Variants in NT5C2 observed in about 807,000 individuals in gnomAD.
The protein encoded by NT5C2 is 5'-nucleotidase, cytosolic II.
In NT5C2, 58 loss-of-function variants were observed where a neutral mutation model predicts 76.1. The ratio of observed to expected loss-of-function variants is 0.76; its 90% confidence interval spans 0.62 to 0.95. The LOEUF is 0.95. Among genes scored for constraint, NT5C2 ranks in the 40% least tolerant of loss-of-function variants. NT5C2 has a pLI of 0.00. For synonymous variants in NT5C2, 229 were observed against 237.4 expected, an observed-to-expected ratio of 0.96 and a Z score of 0.32; for missense variants, 478 against 690.3, an observed-to-expected ratio of 0.69 and a Z score of 3.45.
At chr10:103,105,115 A>G (rs1440022660) in intron 6 of NT5C2, among the ~76,000 whole-genome samples, 2 of 152,236 alleles carry the variant, frequency 1.3e-5, no homozygotes, top group Non-Finnish European at 2.9e-5. Flanking sequence ...AAAAAGTTCA[A>G]ATTAGTGACA....
intron 3 of NT5C2, among the ~76,000 whole-genome samples, chr10:103,152,275 A>ATG (rs2082541165): frequency 6.6e-6 from 1 of 152,178 alleles, no homozygotes; most frequent in South Asian, 2.1e-4. Context: ...CCAATCTAAA[A>ATG]CAGCAGTCCT....
chr10:103,189,270 C>A (rs1353256116), intron 1 of NT5C2, among the ~76,000 whole-genome samples: 1 of 151,972 alleles, frequency 6.6e-6, no homozygotes, highest in Non-Finnish European at 1.5e-5. Context: ...ATATAATGAT[C>A]ATTTGATATG....
At chr10:103,118,512 C>G (rs2074923733) in intron 4 of NT5C2, among the ~76,000 whole-genome samples, 1 of 152,008 alleles carries the variant, frequency 6.6e-6, no homozygotes, top group South Asian at 2.1e-4. Flanking sequence ...GTGCACCACG[C>G]TCAACTAATT....
Position 103,168,477 on chromosome 10 carries a change from T to C in NT5C2, c.101+6381A>G, listed in dbSNP as rs371397548. 2.0e-4 allele frequency among the ~76,000 whole-genome samples: 31 copies of C among 152,356 alleles called. No homozygotes were observed. In the South Asian group the frequency reaches 5.8e-3, roughly 29 times the overall value. On this transcript the variant is annotated intron_variant, in intron 3 of 18. Transcript: ENST00000404739. ...ATTGGTAAATACAAATTCTGATCTA[T>C]AGTGATCACTAAAAGATTCTAGTAT...
In NT5C2 at chr10:103,096,005, G is replaced by T. The variant is rs753833310; in HGVS notation, c.772-25C>A. The T allele has an allele frequency of 1.9e-6, 3 of 1,584,534 alleles. No individual in the cohort carries two copies. In the East Asian group the frequency reaches 6.7e-5, roughly 35 times the overall value. ...TCTGGAAAAAAAAATTTAACATAAG[G>T]TCCATATACTACTTTTGCAAAAGGT... On this transcript the variant is annotated intron_variant, in intron 11 of 18. Transcript: ENST00000404739.
At chr10:103,160,497 T>C (rs1453394894) in intron 3 of NT5C2, among the ~76,000 whole-genome samples, 2 of 152,330 alleles carry the variant, frequency 1.3e-5, no homozygotes, top group South Asian at 2.1e-4. Flanking sequence ...TGGAAAATCA[T>C]GTATCTGATA....
chr10:103,183,262 G>GAGAT (rs1554841574), intron 1 of NT5C2, among the ~76,000 whole-genome samples: 1 of 73,374 alleles, frequency 1.4e-5, no homozygotes, highest in Non-Finnish European at 2.3e-5. Flanking sequence ...GTGTGTGTGT[G>GAGAT]ATATATATAT....
chr10:103,097,091 A>C (rs956773507), intron 11 of NT5C2, among the ~76,000 whole-genome samples, 200 bp downstream of exon 11: 2 of 152,190 alleles, frequency 1.3e-5, no homozygotes, highest in Admixed American at 6.5e-5. Flanking sequence ...AATTATAATC[A>C]GTGAAAATGG....
intron 4 of NT5C2, among the ~76,000 whole-genome samples, chr10:103,112,520 A>G (rs1052794692): frequency 7.2e-5 from 11 of 152,230 alleles, no homozygotes; most frequent in African/African-American, 2.7e-4. Context: ...TTGAAGATAC[A>G]TAATCCATTA....
chr10:103,190,638 A>G (rs2092566799), intron 1 of NT5C2, among the ~76,000 whole-genome samples: 1 of 152,232 alleles, frequency 6.6e-6, no homozygotes, highest in Non-Finnish European at 1.5e-5. Context: ...CCGAGGTTGC[A>G]TGATGTTAAG....
At chr10:103,090,170 A>G in intron 18 of NT5C2, 1 of 411,794 alleles carries the variant, frequency 2.4e-6, no homozygotes, top group Non-Finnish European at 4.3e-6. Flanking sequence ...TCTATTTTAC[A>G]GCAAAAACAA....
intron 3 of NT5C2, among the ~76,000 whole-genome samples, chr10:103,150,417 T>A (rs2082201771): frequency 6.6e-6 from 1 of 152,214 alleles, no homozygotes; most frequent in Admixed American, 6.5e-5. Context: ...AATTTGTTTA[T>A]CCATTCAGTT....
intron 2 of NT5C2, among the ~76,000 whole-genome samples, chr10:103,177,033 C>A (rs987942131): frequency 1.6e-4 from 24 of 151,834 alleles, no homozygotes; most frequent in Non-Finnish European, 3.1e-4. Context: ...TCTCTTCCAC[C>A]TGGTTTTACT....
chr10:103,119,272 G>C (rs1400330529), intron 4 of NT5C2, among the ~76,000 whole-genome samples: 1 of 152,150 alleles, frequency 6.6e-6, no homozygotes, highest in African/African-American at 2.4e-5. Context: ...AGGAGGCTGA[G>C]GCAGGAGAAT....
chr10:103,146,418 G>A (rs2081488074), intron 3 of NT5C2: 9 of 985,306 alleles, frequency 9.1e-6, no homozygotes, highest in Non-Finnish European at 1.1e-5. Context: ...ATCTTCTTGG[G>A]CATCTGTTTT....
intron 4 of NT5C2, among the ~76,000 whole-genome samples, chr10:103,130,172 A>T (rs975129901): frequency 1.3e-4 from 19 of 151,828 alleles, no homozygotes; most frequent in East Asian, 9.8e-4. Context: ...GTGTAGAAAG[A>T]AGTAGACATG....
intron 4 of NT5C2, among the ~76,000 whole-genome samples, chr10:103,119,292 C>T (rs7895154): frequency 0.31 from 47,217 of 151,990 alleles, 7,466 homozygotes; most frequent in Middle Eastern, 0.36. Context: ...TCATTTGAAT[C>T]CAGGAGGCAG....
At chr10:103,149,130 G>C (rs1196297577) in intron 3 of NT5C2, among the ~76,000 whole-genome samples, 1 of 152,070 alleles carries the variant, frequency 6.6e-6, no homozygotes, top group Admixed American at 6.5e-5. Flanking sequence ...ATACTATCAG[G>C]ATGGTTGATA....
chr10:103,166,043 A>G (rs2134299327), intron 3 of NT5C2, among the ~76,000 whole-genome samples: 1 of 152,374 alleles, frequency 6.6e-6, no homozygotes, highest in South Asian at 2.1e-4. Context: ...TGAGTAAGAA[A>G]TGATACAGAG....
Sources: allele counts gnomAD v4.1 joint callset (sites outside exome capture counted in the v4.1 genomes callset), GRCh38; gene constraint gnomAD v4.1.1; transcripts MANE v1.5; gene names NCBI Gene and HGNC (gene_info 2026-07-23, HGNC 2026-07-21).